Variants in BAZ2B observed in about 807,000 individuals in gnomAD.
BAZ2B encodes bromodomain adjacent to zinc finger domain 2B, also known as bromodomain adjacent to zinc finger domain protein 2B.
A neutral mutation model predicts 246.0 loss-of-function variants in BAZ2B; 91 were observed. The observed-to-expected ratio is 0.37, with a 90% CI of 0.31 to 0.44. The LOEUF (loss-of-function observed/expected upper bound fraction) is 0.44, where lower values mean the gene tolerates loss of function less well. Among genes scored for constraint, BAZ2B ranks in the 20% least tolerant of loss-of-function variants. BAZ2B has a pLI of 1.00. For synonymous variants in BAZ2B, 855 were observed against 860.0 expected, an observed-to-expected ratio of 0.99 and a Z score of 0.10; for missense variants, 2,332 against 2,533.7, an observed-to-expected ratio of 0.92 and a Z score of 1.71.
At chr2:159,332,328 A>C (rs1363390660) in intron 34 of BAZ2B, among the ~76,000 whole-genome samples, 1 of 149,064 alleles carries the variant, frequency 6.7e-6, no homozygotes, top group African/African-American at 2.5e-5. Context: ...CTCTCTCTCA[A>C]AAAAAAAAAA....
rs184461177 is a variant in BAZ2B at position 159,436,619 on chromosome 2, C to T, written c.1293+1684G>A. 1.0e-3 allele frequency among the ~76,000 whole-genome samples: 158 copies of T among 152,130 alleles called. 1 individual carries two copies. The East Asian group carries it at 0.023, about 22-fold the overall frequency. On this transcript the variant is annotated intron_variant, in intron 8 of 36. Transcript: ENST00000392783. ...CAAAAAAATTAGCTGGGCATGGTGG[C>T]GGGCGCCTGTAGTCCCAGCTACTCG...
intron 13 of BAZ2B, among the ~76,000 whole-genome samples, chr2:159,426,046 C>T (rs919130009): frequency 6.6e-6 from 1 of 152,162 alleles, no homozygotes; most frequent in Admixed American, 6.5e-5. Flanking sequence ...AAAAGAAATG[C>T]TCTCAAAATT....
At chr2:159,325,964 C>CGGCCGGGCGCGG in intron 34 of BAZ2B, 46 bp from the exon 35 acceptor site, 3 of 1,435,370 alleles carry the variant, frequency 2.1e-6, no homozygotes, top group Non-Finnish European at 2.8e-6. Flanking sequence ...AAGTGACTGT[C>CGGCCGGGCGCGG]TACAGACCTA....
chr2:159,368,091 T>C (rs2060419013), intron 27 of BAZ2B, among the ~76,000 whole-genome samples: 6 of 152,156 alleles, frequency 3.9e-5, no homozygotes, highest in Admixed American at 2.0e-4. Flanking sequence ...TCTTTCCAAT[T>C]AGATTGTGAG....
chr2:159,327,070 T>TTTTTTTTTTTTTTTTTTTTTTTCCTG (rs2063819782), intron 34 of BAZ2B, among the ~76,000 whole-genome samples: 1 of 151,404 alleles, frequency 6.6e-6, no homozygotes. Context: ...TTTTTTTTTT[T>TTTTTTTTTTTTTTTTTTTTTTTCCTG]GAGGCAGTCT....
At chr2:159,649,977 A>G in the BAZ2B span, among the ~76,000 whole-genome samples, 404 of 152,236 alleles carry the variant, frequency 2.7e-3, 1 homozygote, top group Non-Finnish European at 5.2e-3. Context: ...CAAATTCACC[A>G]ATCTTTTTCT....
intron 2 of BAZ2B, among the ~76,000 whole-genome samples, chr2:159,502,805 T>C (rs971197960): frequency 2.6e-5 from 4 of 152,216 alleles, no homozygotes; most frequent in East Asian, 1.9e-4. Context: ...ATGAATGATA[T>C]GCTGAGACAG....
chr2:159,361,010 C>T (rs556390606), intron 27 of BAZ2B, among the ~76,000 whole-genome samples: 1 of 152,204 alleles, frequency 6.6e-6, no homozygotes, highest in South Asian at 2.1e-4. Context: ...AGAACAAAAC[C>T]TAGGCAATAC....
chr2:159,455,962 T>C (rs971877689), intron 3 of BAZ2B, among the ~76,000 whole-genome samples: 1 of 151,970 alleles, frequency 6.6e-6, no homozygotes, highest in African/African-American at 2.4e-5. Flanking sequence ...TATGATCAGT[T>C]CTTTTCTTTC....
chr2:159,325,127 A>G (rs1558944974), intron 35 of BAZ2B, among the ~76,000 whole-genome samples, 173 bp from the exon 36 acceptor site: 3 of 29,222 alleles, frequency 1.0e-4, no homozygotes, highest in Non-Finnish European at 1.1e-4. Flanking sequence ...TTATATATAT[A>G]TATATATATA....
At chr2:159,466,633 A>T (rs928500247) in intron 3 of BAZ2B, among the ~76,000 whole-genome samples, 12 of 152,220 alleles carry the variant, frequency 7.9e-5, no homozygotes, top group Admixed American at 7.2e-4. Context: ...AACAGAACCA[A>T]CAGGATACAC....
chr2:159,405,442 C>A (rs2065776245), intron 14 of BAZ2B, among the ~76,000 whole-genome samples: 1 of 152,086 alleles, frequency 6.6e-6, no homozygotes. Flanking sequence ...CATCTCCTGA[C>A]CTCATGATCT....
At chr2:159,511,160 T>G (rs1354578102) in intron 2 of BAZ2B, among the ~76,000 whole-genome samples, 2 of 152,200 alleles carry the variant, frequency 1.3e-5, no homozygotes, top group African/African-American at 4.8e-5. Context: ...AGACAAACTA[T>G]TCCAGAAAAA....
intron 27 of BAZ2B, among the ~76,000 whole-genome samples, chr2:159,367,061 G>A (rs944457092): frequency 2.6e-5 from 4 of 152,174 alleles, no homozygotes; most frequent in Non-Finnish European, 4.4e-5. Context: ...TTTAGCTGCT[G>A]TTCTCAAAGT....
At chr2:159,509,965 G>A (rs541065875) in intron 2 of BAZ2B, among the ~76,000 whole-genome samples, 1 of 151,174 alleles carries the variant, frequency 6.6e-6, no homozygotes, top group African/African-American at 2.4e-5. Flanking sequence ...CTATAAAATG[G>A]AACTATAAAA....
chr2:159,684,866 T>C, the BAZ2B span, among the ~76,000 whole-genome samples: 93 of 152,314 alleles, frequency 6.1e-4, no homozygotes, highest in Middle Eastern at 3.4e-3. Context: ...TCATATATCA[T>C]AGATCAAAAA....
chr2:159,478,915 C>T (rs148460503), intron 2 of BAZ2B, among the ~76,000 whole-genome samples, 194 bp from the exon 3 acceptor site: 2 of 152,012 alleles, frequency 1.3e-5, no homozygotes, highest in African/African-American at 4.8e-5. Flanking sequence ...TTTAAGTATA[C>T]CAAATCCTCT....
Position 159,386,378 on chromosome 2 carries a change from T to C in BAZ2B, c.3446A>G (p.Asp1149Gly). 1 of 1,613,016 alleles carries C rather than the reference T, an allele frequency of 6.2e-7. No homozygotes were observed. Residue 1149 changes from aspartate to glycine, a missense_variant, in exon 22 of 37, where the codon GAT becomes GGT. This residue lies in a region of BAZ2B where 328 missense variants were observed against 410.4 expected (regional missense o/e 0.80). Transcript: ENST00000392783. The part of the protein sequence containing the change: ...LVRLLSAAVC[D>G]PGLITGYKAK... Reference sequence around the variant, plus strand: ...CTTGTATCCTGTTATTAGACCTGGATCACATACAGCAGCTGAGAGGAGCCT... The same window carrying C: ...CTTGTATCCTGTTATTAGACCTGGACCACATACAGCAGCTGAGAGGAGCCT...
intron 14 of BAZ2B, among the ~76,000 whole-genome samples, chr2:159,408,876 G>T (rs764776159): frequency 6.6e-6 from 1 of 152,014 alleles, no homozygotes; most frequent in Non-Finnish European, 1.5e-5. Context: ...CTGAGATCGC[G>T]CCATTGCACT....
Sources: gnomAD v4.1 joint callset for allele counts (sites outside exome capture counted in the v4.1 genomes callset) on GRCh38, gnomAD v4.1.1 for gene constraint, gnomAD v4.1.1 regional missense constraint, MANE v1.5 for transcripts, NCBI Gene and HGNC (gene_info 2026-07-23, HGNC 2026-07-21) for gene names.